NBAS: variants seen among roughly 807,000 people sequenced by gnomAD.
NBAS encodes the protein NAG/BC035112 fusion.
NBAS carries 219 observed loss-of-function variants against 302.5 expected under a neutral mutation model. The ratio of observed to expected loss-of-function variants is 0.72; its 90% CI spans 0.65 to 0.81. The LOEUF (loss-of-function observed/expected upper bound fraction) is 0.81, where lower values mean the gene tolerates loss of function less well. NBAS is among the 30% of genes least tolerant of loss of function. The pLI, the probability that NBAS is intolerant of heterozygous loss-of-function variation, is 0.00. For synonymous variants in NBAS, 1,118 were observed against 1,021.6 expected (o/e 1.09, Z -1.80); for missense variants, 2,932 against 2,841.6 (o/e 1.03, Z -0.72).
intron 10 of NBAS, among the ~76,000 whole-genome samples, chr2:15,507,788 G>T (rs145608318): frequency 6.6e-6 from 1 of 152,276 alleles, no homozygotes; most frequent in East Asian, 1.9e-4. Context: ...CTAATACCTG[G>T]AGCAGTGATT....
chr2:15,445,704 C>A (rs1457749374), intron 21 of NBAS, among the ~76,000 whole-genome samples: 7 of 150,412 alleles, frequency 4.7e-5, no homozygotes, highest in African/African-American at 1.5e-4. Flanking sequence ...AAAAAATCTA[C>A]ATCCAAATTA....
At chr2:14,918,786 A>T in the NBAS span, among the ~76,000 whole-genome samples, 2 of 152,082 alleles carry the variant, frequency 1.3e-5, no homozygotes, top group Non-Finnish European at 2.9e-5. Flanking sequence ...GCTAAGTTTA[A>T]AGCTGCAGAC....
chr2:15,515,472 G>T (rs1024346710), intron 9 of NBAS, among the ~76,000 whole-genome samples: 1 of 152,178 alleles, frequency 6.6e-6, no homozygotes, highest in Admixed American at 6.5e-5. Flanking sequence ...AGTAAGCCAA[G>T]ATCGAGCCAC....
In NBAS at chr2:15,238,626, T is replaced by C; in HGVS notation, c.5785A>G (p.Ile1929Val). 1 of 1,613,430 alleles carries C rather than the reference T, an allele frequency of 6.2e-7. No homozygotes were observed. The highest frequency in any genetic ancestry group is 8.5e-7 in the Non-Finnish European group (1 of 1,179,892). Residue 1929 changes from isoleucine to valine, a missense_variant, in exon 45 of 52, where the codon ATT becomes GTT. Physicochemically the swap from Ile to Val is conservative, Grantham distance 29 (BLOSUM62 3). Coordinates refer to ENST00000281513, the MANE Select transcript of NBAS (RefSeq NM_015909.4). ...GAGTTTCTTTTCCTTGGCTTCTCAA[T>C]AAAATGTTTGACTGTCTTAATAGCC... ...RKAIKTVKHF[I>V]EKPRKRNSED...
intron 51 of NBAS, among the ~76,000 whole-genome samples, chr2:15,173,147 T>C (rs1664374572): frequency 1.3e-5 from 2 of 152,230 alleles, no homozygotes; most frequent in Admixed American, 1.3e-4. Context: ...AGATTGTTTT[T>C]TGTGTGTCAG....
At chr2:15,459,156 C>A (rs752441920) in intron 21 of NBAS, among the ~76,000 whole-genome samples, 2 of 152,128 alleles carry the variant, frequency 1.3e-5, no homozygotes, top group Non-Finnish European at 2.9e-5. Context: ...TCTAAGCAAT[C>A]ATCAGAAAAC....
chr2:15,492,958 C>T (rs2148618625), intron 11 of NBAS, among the ~76,000 whole-genome samples: 1 of 152,182 alleles, frequency 6.6e-6, no homozygotes, highest in African/African-American at 2.4e-5. Flanking sequence ...CTCTATATCC[C>T]CACCCAAATC....
rs1484610253 is a variant in NBAS, at chr2:15,478,076, T to C, written c.1147+150A>G. 4 of 655,318 alleles carry C rather than the reference T, an allele frequency of 6.1e-6. No homozygotes were observed. In the African/African-American group the frequency reaches 7.3e-5, roughly 12 times the overall value. 40.6% of individuals were successfully genotyped at this position (655,318 alleles called of 1,614,324 possible). On this transcript the variant is annotated intron_variant, in intron 13 of 51. Coordinates refer to ENST00000281513, the MANE Select transcript of NBAS (RefSeq NM_015909.4). The stretch of plus-strand genomic sequence containing the variant: ...AAAGCCTGACCATCAGAAAACTGGA[T>C]CTGTTGCCTTGACCCAACTCTATGA...
chr2:14,855,903 G>T, the NBAS span, among the ~76,000 whole-genome samples: 4 of 152,224 alleles, frequency 2.6e-5, no homozygotes, highest in Non-Finnish European at 5.9e-5. Flanking sequence ...TGATTGTAGA[G>T]CCCCAGGGCA....
At chr2:15,136,330 T>G in the NBAS span, among the ~76,000 whole-genome samples, 7 of 152,198 alleles carry the variant, frequency 4.6e-5, no homozygotes, top group Non-Finnish European at 1.0e-4. Context: ...ATTGTCCTTA[T>G]GAAATGGCAA....
At chr2:14,879,784 C>T in the NBAS span, among the ~76,000 whole-genome samples, 3 of 152,150 alleles carry the variant, frequency 2.0e-5, no homozygotes, top group African/African-American at 7.2e-5. Flanking sequence ...CACTTTGGGG[C>T]TTATCCCAGA....
At chr2:15,430,808 CT>C (rs891964995) in intron 21 of NBAS, among the ~76,000 whole-genome samples, 1 of 151,162 alleles carries the variant, frequency 6.6e-6, no homozygotes, top group Non-Finnish European at 1.5e-5. Context: ...TAGAGGGCAA[CT>C]TTTTTTTTCT....
the NBAS span, among the ~76,000 whole-genome samples, chr2:15,155,602 C>A: frequency 1.3e-5 from 2 of 152,200 alleles, no homozygotes; most frequent in Non-Finnish European, 2.9e-5. Context: ...CTTCTTTTGA[C>A]TTCAGGAGCA....
the NBAS span, among the ~76,000 whole-genome samples, chr2:14,921,217 A>G: frequency 6.6e-6 from 1 of 152,140 alleles, no homozygotes; most frequent in East Asian, 1.9e-4. Context: ...TGGCCAATAC[A>G]TGGAGCAGTC....
At chr2:15,007,198 G>T in the NBAS span, among the ~76,000 whole-genome samples, 2 of 152,030 alleles carry the variant, frequency 1.3e-5, no homozygotes, top group Admixed American at 1.3e-4. Flanking sequence ...TAAATTATCC[G>T]GATACACTAG....
the NBAS span, among the ~76,000 whole-genome samples, chr2:14,843,702 A>G: frequency 6.6e-6 from 1 of 152,124 alleles, no homozygotes; most frequent in Non-Finnish European, 1.5e-5. Flanking sequence ...CACTGATGTC[A>G]CACCTCCCTC....
At chr2:15,264,910 T>C (rs1201195284) in intron 44 of NBAS, among the ~76,000 whole-genome samples, 1 of 152,196 alleles carries the variant, frequency 6.6e-6, no homozygotes, top group Admixed American at 6.5e-5. Flanking sequence ...GGACAGACTT[T>C]TGGAGGCATT....
At chr2:15,516,442 T>G (rs914540537) in intron 9 of NBAS, among the ~76,000 whole-genome samples, 2 of 152,016 alleles carry the variant, frequency 1.3e-5, no homozygotes, top group Non-Finnish European at 2.9e-5. Context: ...AAAATTTCCA[T>G]CCATAAAATG....
chr2:15,462,826 G>A (rs1253991142), intron 19 of NBAS, among the ~76,000 whole-genome samples: 1 of 152,084 alleles, frequency 6.6e-6, no homozygotes, highest in Non-Finnish European at 1.5e-5. Flanking sequence ...TAAATAGAAT[G>A]AGTTTGAAAG....
Sources: gnomAD v4.1 joint callset for allele counts (sites outside exome capture counted in the v4.1 genomes callset) on GRCh38, gnomAD v4.1.1 for gene constraint, MANE v1.5 for transcripts, NCBI Gene and HGNC (gene_info 2026-07-23, HGNC 2026-07-21) for gene names.